ROR1: variants seen among roughly 807,000 people sequenced by gnomAD.
The protein encoded by ROR1 is ROR family WNT receptor 1.
In ROR1, 19 loss-of-function variants were observed where a neutral mutation model predicts 78.8. The ratio of observed to expected loss-of-function variants is 0.24; its 90% confidence interval spans 0.17 to 0.35. The LOEUF is 0.35. ROR1 is among the 10% of genes least tolerant of loss of function. The probability of loss-of-function intolerance (pLI) is 1.00; values close to 1 mark genes in which losing one functional copy is unlikely to be tolerated. For synonymous variants in ROR1, 386 were observed against 433.6 expected (o/e 0.89, Z 1.36); for missense variants, 917 against 1,177.8 (o/e 0.78, Z 3.24).
chr1:63,949,121 C>G (rs2100467296), intron 1 of ROR1, among the ~76,000 whole-genome samples: 1 of 152,298 alleles, frequency 6.6e-6, no homozygotes, highest in East Asian at 1.9e-4. Flanking sequence ...CCCGCTCAGG[C>G]ATCTGAACCA....
chr1:64,040,131 T>A (rs1167772586), intron 2 of ROR1, among the ~76,000 whole-genome samples: 2 of 152,208 alleles, frequency 1.3e-5, no homozygotes, highest in Admixed American at 1.3e-4. Context: ...GGACTATAGA[T>A]TTACTTATCA....
At chr1:63,778,768 G>A (rs2100217284) in intron 1 of ROR1, among the ~76,000 whole-genome samples, 1 of 152,234 alleles carries the variant, frequency 6.6e-6, no homozygotes, top group South Asian at 2.1e-4. Flanking sequence ...TTTACTGATG[G>A]GTAAACTTAG....
intron 1 of ROR1, among the ~76,000 whole-genome samples, chr1:63,927,575 A>G (rs2100439171): frequency 6.8e-6 from 1 of 147,248 alleles, no homozygotes; most frequent in Admixed American, 6.8e-5. Flanking sequence ...AAAAAAAAAT[A>G]GAGTAGCCTC....
Position 63,821,573 on chromosome 1 carries a change from A to G in ROR1, c.91+47065A>G, listed in dbSNP as rs533621348. On this transcript the variant is annotated intron_variant, in intron 1 of 8. Coordinates refer to ENST00000371079, the MANE Select transcript of ROR1 (RefSeq NM_005012.4). The stretch of plus-strand genomic sequence containing the variant: ...TTATGAACAACTTTGGCCCAAAAGG[A>G]GAAAAATCTGTCTTCTGAAATTGAG... 6.6e-5 allele frequency among the ~76,000 whole-genome samples: 10 copies of G among 152,294 alleles called. No homozygotes were observed. In the South Asian group the frequency reaches 2.1e-3, roughly 32 times the overall value.
intron 1 of ROR1, among the ~76,000 whole-genome samples, chr1:63,908,845 G>GCTTCTC (rs1645547580): frequency 6.6e-6 from 1 of 152,188 alleles, no homozygotes; most frequent in African/African-American, 2.4e-5. Context: ...TACCATGAAA[G>GCTTCTC]CCCTGACTTC....
chr1:64,165,988 G>A (rs564684390), intron 8 of ROR1, among the ~76,000 whole-genome samples: 13 of 152,268 alleles, frequency 8.5e-5, no homozygotes, highest in African/African-American at 2.9e-4. Context: ...TTACAGGCAT[G>A]AGCCACTAGG....
At chr1:63,816,585 AG>A (rs1644893475) in intron 1 of ROR1, among the ~76,000 whole-genome samples, 1 of 152,180 alleles carries the variant, frequency 6.6e-6, no homozygotes. Flanking sequence ...CTTTATCAGC[AG>A]CATGAAAATG....
At position 63,800,531 on chromosome 1, in the gene ROR1, A is replaced by T. The variant is rs575929124; in HGVS notation, c.91+26023A>T. 2.0e-5 allele frequency among the ~76,000 whole-genome samples: 3 copies of T among 152,284 alleles called. No individual in the cohort carries two copies. In the South Asian group the frequency reaches 6.2e-4, roughly 32 times the overall value. ...GCTGAGGACTAGGAGCTGGGGAGGC[A>T]GAAAAGGCAATGATGTTCTGAATGT... On this transcript the variant is annotated intron_variant, in intron 1 of 8. Transcript: ENST00000371079.
intron 4 of ROR1, among the ~76,000 whole-genome samples, chr1:64,128,674 ATAG>A (rs1159025274): frequency 6.6e-6 from 1 of 152,214 alleles, no homozygotes; most frequent in African/African-American, 2.4e-5. Context: ...CATTAGGGAC[ATAG>A]TAGTGACCAA....
At chr1:64,052,682 G>C (rs986487645) in intron 4 of ROR1, among the ~76,000 whole-genome samples, 4 of 152,130 alleles carry the variant, frequency 2.6e-5, no homozygotes, top group African/African-American at 9.7e-5. Flanking sequence ...TATATTAGCT[G>C]TCAGATTATC....
intron 1 of ROR1, among the ~76,000 whole-genome samples, chr1:63,970,398 C>T (rs17125894): frequency 0.031 from 4,784 of 152,176 alleles, 254 homozygotes; most frequent in African/African-American, 0.11. Flanking sequence ...TTTGTTTCTC[C>T]GGATGACATT....
intron 1 of ROR1, among the ~76,000 whole-genome samples, chr1:63,840,942 C>T: frequency 6.6e-6 from 1 of 152,024 alleles, no homozygotes; most frequent in South Asian, 2.1e-4. Context: ...CAACAGGTTC[C>T]TAAGGGTCTG....
chr1:64,169,711 C>T (rs555288816), intron 8 of ROR1, among the ~76,000 whole-genome samples: 10 of 152,320 alleles, frequency 6.6e-5, no homozygotes, highest in East Asian at 1.9e-4. Context: ...TCCAAGACAA[C>T]GCAAGTCCCT....
chr1:63,794,811 C>T (rs962735138), intron 1 of ROR1, among the ~76,000 whole-genome samples: 4 of 152,198 alleles, frequency 2.6e-5, no homozygotes, highest in African/African-American at 9.7e-5. Flanking sequence ...TAAGTCCTGA[C>T]TGTATGCCCG....
intron 1 of ROR1, among the ~76,000 whole-genome samples, chr1:63,973,711 T>C (rs1053543167): frequency 2.6e-5 from 4 of 152,112 alleles, no homozygotes; most frequent in African/African-American, 9.7e-5. Context: ...CTGAACTTCA[T>C]CCCAGATCTA....
At chr1:64,024,805 A>G (rs1332412045) in intron 2 of ROR1, among the ~76,000 whole-genome samples, 2 of 152,214 alleles carry the variant, frequency 1.3e-5, no homozygotes, top group Non-Finnish European at 2.9e-5. Context: ...TGTCAATTTT[A>G]AAAGCAAAAA....
At chr1:64,050,491 A>G (rs1569630116) in intron 3 of ROR1, among the ~76,000 whole-genome samples, 195 bp from the exon 4 acceptor site, 1 of 150,000 alleles carries the variant, frequency 6.7e-6, no homozygotes, top group East Asian at 1.9e-4. Context: ...TGAGACATAG[A>G]CACGTTCTCA....
intron 1 of ROR1, among the ~76,000 whole-genome samples, chr1:63,887,603 G>A (rs1378361295): frequency 6.6e-6 from 1 of 151,906 alleles, no homozygotes; most frequent in Non-Finnish European, 1.5e-5. Flanking sequence ...TCACTTTCTG[G>A]CTTCTATCAC....
At chr1:64,102,819 G>C (rs1469644719) in intron 4 of ROR1, among the ~76,000 whole-genome samples, 1 of 152,032 alleles carries the variant, frequency 6.6e-6, no homozygotes, top group African/African-American at 2.4e-5. Context: ...CTTGTTGTAG[G>C]GGCTGCCCTG....
Sources: gnomAD v4.1 joint callset for allele counts (sites outside exome capture counted in the v4.1 genomes callset) on GRCh38, gnomAD v4.1.1 for gene constraint, MANE v1.5 for transcripts, NCBI Gene and HGNC (gene_info 2026-07-23, HGNC 2026-07-21) for gene names.